The following CCDC180 variants were observed in gnomAD, a reference collection of about 807,000 sequenced individuals.
CCDC180 encodes coiled-coil domain containing 180.
Under a neutral mutation model 209.2 loss-of-function variants are expected in CCDC180, and 154 were observed. That is an observed-to-expected ratio of 0.74 (90% CI 0.65 to 0.84). The LOEUF is 0.84. Ranked by LOEUF, CCDC180 falls within the 40% of genes least tolerant of loss-of-function variation. The pLI is 0.00. For missense variants in CCDC180, 1,874 were observed against 1,997.3 expected (o/e 0.94, Z 1.18); for synonymous variants, 778 against 749.1 (o/e 1.04, Z -0.63).
At chr9:97,361,677 G>T (rs373069061) in intron 26 of CCDC180, 49 bp from the exon 27 acceptor site, 1 of 1,585,312 alleles carries the variant, frequency 6.3e-7, no homozygotes, top group African/African-American at 1.3e-5. Flanking sequence ...TGCCTCGCTG[G>T]CACCTGGGCT....
chr9:97,371,722 A>G lies in CCDC180; in HGVS notation c.4600+16A>G. ...CAGGTTGCAAGTAAGAGGCACCACC[A>G]GCCTTGTGTCATGGCCCTGGGGGGC... On this transcript the variant is annotated intron_variant, in intron 34 of 36. Coordinates refer to ENST00000529487, the MANE Select transcript of CCDC180 (RefSeq NM_020893.6). 6.5e-7 allele frequency: 1 copy of G among 1,545,166 alleles called. No homozygotes were observed. The highest frequency in any genetic ancestry group is 8.9e-7 in the Non-Finnish European group (1 of 1,123,050).
At chr9:97,343,916 TAG>T (rs891298197) in intron 19 of CCDC180, among the ~76,000 whole-genome samples, 2 of 152,202 alleles carry the variant, frequency 1.3e-5, no homozygotes, top group African/African-American at 4.8e-5. Flanking sequence ...TTTAATTCTA[TAG>T]ATATACACCA....
At chr9:97,359,628 G>A (rs186605335) in intron 25 of CCDC180, among the ~76,000 whole-genome samples, 5 of 152,274 alleles carry the variant, frequency 3.3e-5, no homozygotes, top group Admixed American at 1.3e-4. Flanking sequence ...CATAGAATGT[G>A]AGAGCCAGAG....
intron 12 of CCDC180, 39 bp downstream of exon 12, chr9:97,322,960 G>A (rs761213628): frequency 1.3e-6 from 2 of 1,569,740 alleles, no homozygotes; most frequent in African/African-American, 2.7e-5. Context: ...GAGGAATCCT[G>A]GGCAGGACCT....
intron 12 of CCDC180, 37 bp downstream of exon 12, chr9:97,322,958 C>G (rs1360303387): frequency 3.8e-6 from 6 of 1,574,048 alleles, no homozygotes; most frequent in South Asian, 1.1e-5. Flanking sequence ...AAGAGGAATC[C>G]TGGGCAGGAC....
intron 3 of CCDC180, 141 bp from the exon 4 acceptor site, chr9:97,311,972 T>C (rs1241766405): frequency 2.9e-6 from 2 of 698,568 alleles, no homozygotes; most frequent in East Asian, 2.6e-5. Flanking sequence ...GCCTCAGGGC[T>C]CTCTGGAATT....
Position 97,366,425 on chromosome 9 carries a change from T to C in CCDC180, c.4048-134T>C. The C allele has an allele frequency of 1.2e-6, 1 of 857,698 alleles. No individual in the cohort carries two copies. Among genetic ancestry groups the C allele is most frequent in the South Asian group, 1.8e-5 (1 of 55,398 alleles). The allele number at this position is 857,698 out of a possible 1,614,324, so 53.1% of individuals were successfully genotyped here. A position where few individuals can be genotyped will look rare whatever the true frequency, so the allele number is the denominator to read the frequency against. ...CAGACAGGGAAGGAGGAGTGTCTGCTCGTGTCACTTCCACAGGGGATGCCA... is the reference window on the plus strand; with the variant it reads ...CAGACAGGGAAGGAGGAGTGTCTGCCCGTGTCACTTCCACAGGGGATGCCA... On this transcript the variant is annotated intron_variant, in intron 30 of 36. Transcript: ENST00000529487. The surrounding 1 kb of genome is among the most constrained non-coding windows in gnomAD (Gnocchi z 4.3).
At chr9:97,367,658 A>G (rs1026984501) in intron 31 of CCDC180, among the ~76,000 whole-genome samples, 1 of 151,700 alleles carries the variant, frequency 6.6e-6, no homozygotes, top group African/African-American at 2.4e-5. Flanking sequence ...ATTTTTAGTA[A>G]AGACAGGGTT....
chr9:97,342,606 C>T (rs1024411330), intron 18 of CCDC180, among the ~76,000 whole-genome samples: 3 of 152,150 alleles, frequency 2.0e-5, no homozygotes, highest in Non-Finnish European at 4.4e-5. Context: ...AATTCATTTT[C>T]CTCTCCTCAT....
intron 5 of CCDC180, among the ~76,000 whole-genome samples, chr9:97,313,586 G>A (rs776685404): frequency 1.3e-5 from 2 of 152,220 alleles, no homozygotes; most frequent in African/African-American, 2.4e-5. Flanking sequence ...CCCTTTTGCA[G>A]TGAGGCCCAG....
chr9:97,313,053 G>A (rs933997086), intron 4 of CCDC180, among the ~76,000 whole-genome samples, 183 bp from the exon 5 acceptor site: 1 of 151,934 alleles, frequency 6.6e-6, no homozygotes, highest in Non-Finnish European at 1.5e-5. Flanking sequence ...CTGAGGCCTC[G>A]GTCCCTCTAG....
At chr9:97,317,788 C>G (rs1027543854) in intron 9 of CCDC180, among the ~76,000 whole-genome samples, 2 of 152,172 alleles carry the variant, frequency 1.3e-5, no homozygotes, top group Middle Eastern at 3.2e-3. Context: ...TCTTGCCTTT[C>G]CATGTGACCT....
chr9:97,370,175 GGAA>G, intron 32 of CCDC180, 93 bp downstream of exon 32: 5 of 1,378,994 alleles, frequency 3.6e-6, no homozygotes, highest in South Asian at 1.4e-5. Flanking sequence ...CAAGTCCAAG[GGAA>G]GAAGGTGAGC....
chr9:97,327,121 A>G (rs1263474719), intron 15 of CCDC180, among the ~76,000 whole-genome samples: 1 of 152,138 alleles, frequency 6.6e-6, no homozygotes, highest in Admixed American at 6.5e-5. Flanking sequence ...GTGAGAGGAG[A>G]TCATGCCATT....
chr9:97,313,169 T>G (rs1357047691), intron 4 of CCDC180, 67 bp from the exon 5 acceptor site: 13 of 1,023,124 alleles, frequency 1.3e-5, no homozygotes, highest in Non-Finnish European at 2.0e-5. Flanking sequence ...GCAGGGGCTG[T>G]CTGCCTGTGC....
Position 97,317,092 on chromosome 9 carries a change from C to CG in CCDC180, c.825dup (p.Lys276GlufsTer46). On this transcript the variant is annotated frameshift_variant, in exon 9 of 37. Transcript: ENST00000529487. LOFTEE classifies it high-confidence loss of function. The stretch of plus-strand genomic sequence containing the variant: ...CATGAACTATGCCCTGCTGGGCAAC[C>CG]GGAAGGCTCTCGCCCAGCTGTTTGT... 1 of 1,613,108 alleles carries CG rather than the reference C, an allele frequency of 6.2e-7. No individual in the cohort carries two copies. The highest frequency in any genetic ancestry group is 1.3e-5 in the African/African-American group (1 of 75,058).
intron 18 of CCDC180, among the ~76,000 whole-genome samples, chr9:97,340,718 C>T (rs1826051914): frequency 6.6e-6 from 1 of 152,188 alleles, no homozygotes; most frequent in African/African-American, 2.4e-5. Context: ...GGGAAGACGC[C>T]TGTTGCCAGG....
At chr9:97,310,867 C>G (rs977910426) in intron 3 of CCDC180, among the ~76,000 whole-genome samples, 1 of 152,198 alleles carries the variant, frequency 6.6e-6, no homozygotes, top group Non-Finnish European at 1.5e-5. Context: ...GCCCATATCA[C>G]CCTGCCTGAT....
intron 22 of CCDC180, among the ~76,000 whole-genome samples, chr9:97,354,210 C>T (rs1308178985): frequency 6.6e-6 from 1 of 152,112 alleles, no homozygotes; most frequent in Non-Finnish European, 1.5e-5. Context: ...CCAGGCTAAT[C>T]TTGAACTCCT....
Sources: gnomAD v4.1 joint callset for allele counts (sites outside exome capture counted in the v4.1 genomes callset) on GRCh38, gnomAD v4.1.1 for gene constraint, Gnocchi (gnomAD v3.1) non-coding constraint, MANE v1.5 for transcripts, NCBI Gene and HGNC (gene_info 2026-07-23, HGNC 2026-07-21) for gene names.